SVEP1: variants seen among roughly 807,000 people sequenced by gnomAD.
SVEP1 encodes the protein sushi, von Willebrand factor type A, EGF and pentraxin domain containing 1.
In SVEP1, 164 loss-of-function variants were observed where a neutral mutation model predicts 367.3. The ratio of observed to expected loss-of-function variants is 0.45; its 90% CI spans 0.39 to 0.51. SVEP1 has a LOEUF of 0.51. Among genes scored for constraint, SVEP1 ranks in the 20% least tolerant of loss-of-function variants. SVEP1 has a pLI of 0.00. For missense variants in SVEP1, 4,117 were observed against 4,425.3 expected, an observed-to-expected ratio of 0.93 and a Z score of 1.98; for synonymous variants, 1,666 against 1,611.6, an observed-to-expected ratio of 1.03 and a Z score of -0.81.
intron 36 of SVEP1, among the ~76,000 whole-genome samples, chr9:110,423,136 TAAAAAAAA>T (rs367835046): frequency 1.4e-5 from 1 of 73,076 alleles, no homozygotes; most frequent in African/African-American, 4.8e-5. Context: ...ATAATAATAA[TAAAAAAAA>T]AATAAAAAAA....
Position 110,457,253 on chromosome 9 carries a change from T to A in SVEP1, c.3673+3A>T, listed in dbSNP as rs1828789864. On this transcript the variant is annotated splice_donor_region_variant and intron_variant, in intron 21 of 47. Transcript: ENST00000374469. ...AAAATCTACATTCCTCTTGGTTATT[T>A]ACCTGTATATCCAAGTGGACAGAGA... The A allele has an allele frequency of 2.5e-6, 4 of 1,586,548 alleles. No homozygotes were observed. The highest frequency in any genetic ancestry group is 3.4e-6 in the Non-Finnish European group (4 of 1,169,690).
chr9:110,399,285 A>T (rs1032499238), intron 40 of SVEP1, among the ~76,000 whole-genome samples: 1 of 151,422 alleles, frequency 6.6e-6, no homozygotes, highest in African/African-American at 2.4e-5. Context: ...CATAGGTGAG[A>T]ATTGAACAAT....
rs568804386 is a variant in SVEP1, at chr9:110,404,492, A to G, written c.9501T>C (p.Gly3167=). Residue 3167 remains glycine (G), a synonymous_variant, in exon 39 of 48, where the codon GGT becomes GGC. Transcript: ENST00000374469. The part of the protein sequence containing the change: ...DTDTFTCQKD[G]RWFPERISCS... ...AGGAGATTCTCTCAGGGAACCAGCG[A>G]CCATCTTTCTGACAGGTGAATGTAT... is the stretch of plus-strand genomic sequence containing the variant. 6.6e-4 allele frequency: 1,059 copies of G among 1,613,988 alleles called. 9 individuals are homozygous for G. In the South Asian group the frequency reaches 0.01, roughly 16 times the overall value.
chr9:110,427,709 T>C lies in SVEP1; in HGVS notation c.5857A>G (p.Arg1953Gly). The C allele has an allele frequency of 6.2e-7, 1 of 1,613,838 alleles. No individual in the cohort carries two copies. The highest frequency in any genetic ancestry group is 8.5e-7 in the Non-Finnish European group (1 of 1,179,828). Residue 1953 changes from arginine (R) to glycine (G), a missense_variant, in exon 36 of 48, where the codon AGA becomes GGA. Physicochemically the swap from Arg to Gly is moderately radical, Grantham distance 125. This residue lies in a region of SVEP1 where 2,174 missense variants were observed against 2,494.3 expected (regional missense o/e 0.87). Transcript: ENST00000374469. ...IECTASGIWD[R>G]APPACHLVFC... Reference sequence around the variant, plus strand: ...ACGAGGTGACAGGCAGGTGGCGCTCTGTCCCAGATGCCAGAAGCCGTGCAT... The same window carrying C: ...ACGAGGTGACAGGCAGGTGGCGCTCCGTCCCAGATGCCAGAAGCCGTGCAT...
chr9:110,492,334 T>C (rs1829378094), intron 8 of SVEP1, among the ~76,000 whole-genome samples: 1 of 152,168 alleles, frequency 6.6e-6, no homozygotes, highest in Non-Finnish European at 1.5e-5. Flanking sequence ...TTAATTAATC[T>C]ATAATAAATT....
In SVEP1 at chr9:110,455,663, C is replaced by A. The variant is rs369134205; in HGVS notation, c.3714G>T (p.Leu1238=). Residue 1238 remains leucine (L), a synonymous_variant, in exon 22 of 48, where the codon CTG becomes CTT. Transcript: ENST00000374469. Reference sequence around the variant, plus strand: ...TACAAACTCCATTGTTGAGGCAAGGCAGTGGGCTGCACTCATCGATGTCTG... The same window carrying A: ...TACAAACTCCATTGTTGAGGCAAGGAAGTGGGCTGCACTCATCGATGTCTG... The part of the protein sequence containing the change: ...CETDIDECSP[L]PCLNNGVCKD... The A allele has an allele frequency of 6.6e-5, 107 of 1,613,292 alleles. No individual in the cohort carries two copies. Among genetic ancestry groups the A allele is most frequent in the Non-Finnish European group, 8.6e-5 (102 of 1,179,650 alleles).
intron 23 of SVEP1, among the ~76,000 whole-genome samples, chr9:110,450,745 G>A (rs1828681789): frequency 6.6e-6 from 1 of 151,902 alleles, no homozygotes; most frequent in Admixed American, 6.6e-5. Flanking sequence ...AAAATGCTGG[G>A]ATTACAGGCG....
chr9:110,432,075 T>C (rs1283416867), intron 31 of SVEP1, 41 bp from the exon 32 acceptor site: 1 of 1,555,836 alleles, frequency 6.4e-7, no homozygotes. Flanking sequence ...GTTGATTCCT[T>C]TTCCGTATGT....
intron 43 of SVEP1, among the ~76,000 whole-genome samples, chr9:110,381,184 C>T (rs547008539): frequency 4.6e-5 from 7 of 151,870 alleles, no homozygotes; most frequent in Non-Finnish European, 1.0e-4. Context: ...TTTTGAAGGG[C>T]TTTTTGTGTC....
At chr9:110,420,265 TA>T (rs1828164428) in intron 36 of SVEP1, among the ~76,000 whole-genome samples, 1 of 18,592 alleles carries the variant, frequency 5.4e-5, no homozygotes, top group Non-Finnish European at 8.9e-5. Context: ...ATAGACACAA[TA>T]AAAAATGATA....
chr9:110,529,935 C>A lies in SVEP1; in HGVS notation c.965-15829G>T, dbSNP rs143047081. 2.0e-5 allele frequency among the ~76,000 whole-genome samples: 3 copies of A among 152,228 alleles called. No homozygotes were observed. The East Asian group carries it at 5.8e-4, about 29-fold the overall frequency. ...TGAAAGTGAGCATCTTTGTCCTGCTCCAGTTCTTAAGGGGAAGGTTTTAAA... is the reference window on the plus strand; with the variant it reads ...TGAAAGTGAGCATCTTTGTCCTGCTACAGTTCTTAAGGGGAAGGTTTTAAA... On this transcript the variant is annotated intron_variant, in intron 3 of 47. Coordinates refer to ENST00000374469, the MANE Select transcript of SVEP1 (RefSeq NM_153366.4).
At chr9:110,550,892 A>G (rs1207579631) in intron 1 of SVEP1, among the ~76,000 whole-genome samples, 1 of 152,186 alleles carries the variant, frequency 6.6e-6, no homozygotes, top group Non-Finnish European at 1.5e-5. Flanking sequence ...ATATATTGCC[A>G]TTGATGCTTT....
intron 5 of SVEP1, among the ~76,000 whole-genome samples, chr9:110,508,088 G>C (rs1189491494): frequency 6.6e-6 from 1 of 152,174 alleles, no homozygotes. Flanking sequence ...ACTTCTTAAA[G>C]AATTTTCAAC....
intron 3 of SVEP1, among the ~76,000 whole-genome samples, chr9:110,536,113 T>C (rs1212768816): frequency 1.3e-5 from 2 of 152,078 alleles, no homozygotes; most frequent in African/African-American, 4.8e-5. Context: ...CTTATTAGTT[T>C]GAGGTATGCT....
Position 110,406,890 on chromosome 9 carries a change from C to T in SVEP1, c.8710G>A (p.Gly2904Ser). Residue 2904 changes from glycine to serine, a missense_variant, in exon 38 of 48, where the codon GGC becomes AGC. Gly to Ser is a moderately conservative substitution (Grantham distance 56). Around this residue, in one of 4 missense-constraint regions of SVEP1, gnomAD observed 1,765 missense variants for 1,781.1 expected, o/e 0.99. Transcript: ENST00000374469. The stretch of plus-strand genomic sequence containing the variant: ...TCCTTCATGAAGCCATAGTCCAGGC[C>T]TTCCGTCACCCCATTGGCCAGTTGT... ...PPQLANGVTE[G>S]LDYGFMKEVT... The T allele has an allele frequency of 6.2e-7, 1 of 1,613,988 alleles. No individual in the cohort carries two copies. The highest frequency in any genetic ancestry group is 8.5e-7 in the Non-Finnish European group (1 of 1,179,888).
intron 2 of SVEP1, among the ~76,000 whole-genome samples, chr9:110,549,162 C>T (rs1830253629): frequency 6.6e-6 from 1 of 152,102 alleles, no homozygotes; most frequent in Admixed American, 6.5e-5. Flanking sequence ...TCTGTATTTT[C>T]TTCTCCTAGC....
intron 27 of SVEP1, among the ~76,000 whole-genome samples, chr9:110,439,601 T>C (rs1357887327): frequency 2.0e-5 from 3 of 151,982 alleles, no homozygotes; most frequent in African/African-American, 2.4e-5. Flanking sequence ...GGTTTCACCA[T>C]GTTGGCCAAG....
chr9:110,376,631 C>T lies in SVEP1; in HGVS notation c.10504+640G>A, dbSNP rs187189057. On this transcript the variant is annotated intron_variant, in intron 45 of 47. Coordinates refer to ENST00000374469, the MANE Select transcript of SVEP1 (RefSeq NM_153366.4). ...TGAATCACTCTTAATGGTTTACATA[C>T]ACTGCTCCTGTTGAAATATGAAACC... Among the ~76,000 whole-genome samples the T allele has an allele frequency of 3.0e-4, 45 of 152,278 alleles. 1 individual carries two copies. Among genetic ancestry groups the T allele is most frequent in the Admixed American group, 2.8e-3 (43 of 15,284 alleles).
At chr9:110,505,238 C>T (rs936821928) in intron 5 of SVEP1, among the ~76,000 whole-genome samples, 1 of 152,104 alleles carries the variant, frequency 6.6e-6, no homozygotes. Context: ...CTGAGTTTTC[C>T]TGGTAAGAGT....
Sources: allele counts gnomAD v4.1 joint callset (sites outside exome capture counted in the v4.1 genomes callset), GRCh38; gene constraint gnomAD v4.1.1; regional missense constraint gnomAD v4.1.1; transcripts MANE v1.5; gene names NCBI Gene and HGNC (gene_info 2026-07-23, HGNC 2026-07-21).